Variants in PCDHGA6 observed in about 807,000 individuals in gnomAD.
PCDHGA6 encodes protocadherin gamma subfamily A, 6.
In PCDHGA6, 41 loss-of-function variants were observed where a neutral mutation model predicts 60.6. The observed-to-expected ratio is 0.68, with a 90% CI of 0.53 to 0.88. PCDHGA6 has a LOEUF of 0.88. Ranked by LOEUF, PCDHGA6 falls within the 40% of genes least tolerant of loss-of-function variation. The probability of loss-of-function intolerance (pLI) is 0.00; values close to 1 mark genes in which losing one functional copy is unlikely to be tolerated. For missense variants in PCDHGA6, 1,312 were observed against 1,203.0 expected (o/e 1.09, Z -1.34); for synonymous variants, 594 against 524.4 (o/e 1.13, Z -1.81).
chr5:141,393,972 C>T, intron 1 of PCDHGA6: 1 of 1,613,790 alleles, frequency 6.2e-7, no homozygotes, highest in Non-Finnish European at 8.5e-7. Flanking sequence ...CTGTTACACA[C>T]GTGATAATTT....
Position 141,502,485 on chromosome 5 carries a change from G to A in PCDHGA6, c.2484-2908G>A, listed in dbSNP as rs187600890. ...AATACTTCCCGCAGCATCACACTGG[G>A]ACTCATCTAACGTCGGCCTGTCCCA... On this transcript the variant is annotated intron_variant, in intron 2 of 3. Coordinates refer to ENST00000517434, the MANE Select transcript of PCDHGA6 (RefSeq NM_018919.3). 8.4e-3 allele frequency among the ~76,000 whole-genome samples: 1,276 copies of A among 152,270 alleles called. 22 individuals carry two copies. Among genetic ancestry groups the A allele is most frequent in the African/African-American group, 0.028 (1,151 of 41,542 alleles).
chr5:141,422,492 C>G (rs747903569), intron 1 of PCDHGA6: 10 of 1,613,934 alleles, frequency 6.2e-6, no homozygotes, highest in Non-Finnish European at 8.5e-6. Flanking sequence ...TACAATATAA[C>G]GTTGACAGCC....
chr5:141,435,807 T>A (rs2097781241), intron 1 of PCDHGA6, among the ~76,000 whole-genome samples: 1 of 152,040 alleles, frequency 6.6e-6, no homozygotes, highest in South Asian at 2.1e-4. Context: ...CCCAATTATT[T>A]TTTCTTTCTT....
intron 1 of PCDHGA6, among the ~76,000 whole-genome samples, chr5:141,474,311 G>T (rs1374954373): frequency 1.3e-5 from 2 of 152,134 alleles, no homozygotes. Context: ...AAACTTTAAT[G>T]TGTTTTCAAA....
At chr5:141,410,260 T>C in intron 1 of PCDHGA6, 1 of 1,614,054 alleles carries the variant, frequency 6.2e-7, no homozygotes, top group Non-Finnish European at 8.5e-7. Context: ...ACCCCCAGGC[T>C]GAACTGCAGT....
At chr5:141,415,818 A>C in intron 1 of PCDHGA6, 11 of 1,325,038 alleles carry the variant, frequency 8.3e-6, no homozygotes, top group Non-Finnish European at 8.7e-6. Flanking sequence ...CCTATATATC[A>C]TAAGGCTTTG....
intron 1 of PCDHGA6, among the ~76,000 whole-genome samples, chr5:141,459,804 C>G (rs2098975712): frequency 6.6e-6 from 1 of 152,192 alleles, no homozygotes; most frequent in Non-Finnish European, 1.5e-5. Context: ...TCCCTGTTGA[C>G]TAGAGACACT....
At chr5:141,441,663 G>A (rs777315226) in intron 1 of PCDHGA6, 20 of 260,482 alleles carry the variant, frequency 7.7e-5, no homozygotes, top group Non-Finnish European at 1.2e-4. Context: ...GTCCTTGAGC[G>A]CACAGTGCGC....
rs761534482 is a variant in PCDHGA6 at position 141,374,759 on chromosome 5, G to A, written c.676G>A (p.Ala226Thr). Residue 226 changes from alanine to threonine, a missense_variant, in exon 1 of 4, where the codon GCC becomes ACC. Transcript: ENST00000517434. ...DGGDPVRSSV[A>T]QILVTVLDVN... is the part of the protein sequence containing the mutation. The stretch of plus-strand genomic sequence containing the variant: ...CGGCGACCCTGTCCGCTCAAGCGTC[G>A]CCCAAATTCTGGTAACAGTTCTAGA... The A allele has an allele frequency of 6.2e-7, 1 of 1,613,112 alleles. No individual in the cohort carries two copies. The highest frequency in any genetic ancestry group is 8.5e-7 in the Non-Finnish European group (1 of 1,179,502).
intron 1 of PCDHGA6, among the ~76,000 whole-genome samples, chr5:141,430,066 G>C (rs550834063): frequency 6.6e-6 from 1 of 151,984 alleles, no homozygotes; most frequent in Non-Finnish European, 1.5e-5. Flanking sequence ...TCATTTTTAG[G>C]TTTCCATAAT....
intron 1 of PCDHGA6, among the ~76,000 whole-genome samples, chr5:141,447,123 T>G (rs1004463863): frequency 1.3e-5 from 2 of 152,160 alleles, no homozygotes; most frequent in Non-Finnish European, 2.9e-5. Flanking sequence ...CCATGGATTT[T>G]TTTGTTTGTT....
intron 1 of PCDHGA6, chr5:141,383,222 TC>T: frequency 6.2e-7 from 1 of 1,613,962 alleles, no homozygotes. Flanking sequence ...AACTTTAACA[TC>T]CTGATGGAAG....
At chr5:141,401,813 T>C (rs2094195030) in intron 1 of PCDHGA6, among the ~76,000 whole-genome samples, 1 of 152,208 alleles carries the variant, frequency 6.6e-6, no homozygotes, top group Non-Finnish European at 1.5e-5. Context: ...ATGGGTTCCT[T>C]ACAAAGTGCT....
At chr5:141,410,513 G>C in intron 1 of PCDHGA6, 1 of 1,613,954 alleles carries the variant, frequency 6.2e-7, no homozygotes, top group Non-Finnish European at 8.5e-7. Context: ...AAAATGCAGT[G>C]TGCCCCTACA....
At chr5:141,500,499 G>A (rs531501031) in intron 2 of PCDHGA6, among the ~76,000 whole-genome samples, 11 of 151,970 alleles carry the variant, frequency 7.2e-5, no homozygotes, top group African/African-American at 2.7e-4. Context: ...GTGAGCCACC[G>A]CGCCTGGCCG....
rs1350353768 is a variant in PCDHGA6, at chr5:141,476,524, T to A, written c.2425-18283T>A. Reference sequence around the variant, plus strand: ...TCAACGACAACAATCCTGCTTTCCCTACCCAGGAAATGAAATTGGAGATTA... The same window carrying A: ...TCAACGACAACAATCCTGCTTTCCCAACCCAGGAAATGAAATTGGAGATTA... On this transcript the variant is annotated intron_variant, in intron 1 of 3. Coordinates refer to ENST00000517434, the MANE Select transcript of PCDHGA6 (RefSeq NM_018919.3). The surrounding 1 kb of genome is among the most constrained non-coding windows in gnomAD (Gnocchi z 7.6). The A allele has an allele frequency of 1.2e-5, 20 of 1,614,064 alleles. No homozygotes were observed. The highest frequency in any genetic ancestry group is 1.7e-5 in the Non-Finnish European group (20 of 1,180,036).
rs763160633 is a variant in PCDHGA6 at position 141,418,261 on chromosome 5, G to A, written c.2424+41754G>A. 3 of 1,614,056 alleles carry A rather than the reference G, an allele frequency of 1.9e-6. No homozygotes were observed. In the South Asian group the frequency reaches 3.3e-5, roughly 18 times the overall value. Reference sequence around the variant, plus strand: ...TTAATGACCACGCCCCTCAATTCCGGAAAGATGAAATAAACTTAGAAATCA... The same window carrying A: ...TTAATGACCACGCCCCTCAATTCCGAAAAGATGAAATAAACTTAGAAATCA... On this transcript the variant is annotated intron_variant, in intron 1 of 3. Coordinates refer to ENST00000517434, the MANE Select transcript of PCDHGA6 (RefSeq NM_018919.3).
intron 1 of PCDHGA6, among the ~76,000 whole-genome samples, chr5:141,435,303 A>G (rs2097757060): frequency 6.6e-6 from 1 of 152,192 alleles, no homozygotes; most frequent in Admixed American, 6.5e-5. Flanking sequence ...TCATGGTTTT[A>G]AATCATTCAT....
rs539406412 is a variant in PCDHGA6, at chr5:141,427,895, G to A, written c.2424+51388G>A. ...CGATGCAGGCCCACGACCAGGGCTCGCCCGCGCTCAGCGCCAACATGAGCC... is the reference window on the plus strand; with the variant it reads ...CGATGCAGGCCCACGACCAGGGCTCACCCGCGCTCAGCGCCAACATGAGCC... On this transcript the variant is annotated intron_variant, in intron 1 of 3. Transcript: ENST00000517434. 373 of 1,569,222 alleles carry A rather than the reference G, an allele frequency of 2.4e-4. 2 individuals are homozygous for A. In the South Asian group the frequency reaches 3.9e-3, roughly 17 times the overall value.
Sources: gnomAD v4.1 joint callset for allele counts (sites outside exome capture counted in the v4.1 genomes callset) on GRCh38, gnomAD v4.1.1 for gene constraint, Gnocchi (gnomAD v3.1) non-coding constraint, MANE v1.5 for transcripts, NCBI Gene and HGNC (gene_info 2026-07-23, HGNC 2026-07-21) for gene names.